The following DNAI1 variants were observed in gnomAD, a reference collection of about 807,000 sequenced individuals.
DNAI1 encodes the protein dynein, axonemal, intermediate polypeptide 1.
DNAI1 carries 67 observed loss-of-function variants against 92.0 expected under a neutral mutation model. That is an observed-to-expected ratio of 0.73 (90% confidence interval 0.60 to 0.89). The LOEUF (loss-of-function observed/expected upper bound fraction) is 0.89. Among genes scored for constraint, DNAI1 ranks in the 40% least tolerant of loss-of-function variants. The pLI is 0.00. For synonymous variants in DNAI1, 323 were observed against 319.6 expected (o/e 1.01, Z -0.11); for missense variants, 839 against 866.6 (o/e 0.97, Z 0.40).
Position 34,497,168 on chromosome 9 carries a change from C to T in DNAI1, c.870C>T (p.Val290=). 6.2e-7 allele frequency: 1 copy of T among 1,613,970 alleles called. No individual in the cohort carries two copies. Among genetic ancestry groups the T allele is most frequent in the Non-Finnish European group, 8.5e-7 (1 of 1,179,908 alleles). The change falls in exon 10 of 20, where the codon GTC becomes GTT. Residue 290 remains valine (V), a synonymous_variant. Transcript: ENST00000242317. ...CTGCTAAGATCATGGAGCGGATGGT[C>T]AACCAGAATACATATGATGACATTG... The part of the protein sequence containing the change: ...SQAAKIMERM[V]NQNTYDDIAQ...
rs373385534 is a variant in DNAI1 at position 34,512,064 on chromosome 9, A to C, written c.1312-45A>C. 81 of 1,596,332 alleles carry C rather than the reference A, an allele frequency of 5.1e-5. No homozygotes were observed. In the African/African-American group the frequency reaches 9.7e-4, roughly 19 times the overall value. On this transcript the variant is annotated intron_variant, in intron 13 of 19. Transcript: ENST00000242317. ...CCTGCTCTGCCCACAGCCCTAACTCAACACTTTAGCAGGGTCCCAGAGCTC... is the reference window on the plus strand; with the variant it reads ...CCTGCTCTGCCCACAGCCCTAACTCCACACTTTAGCAGGGTCCCAGAGCTC...
At chr9:34,501,621 G>A (rs1824832833) in intron 12 of DNAI1, among the ~76,000 whole-genome samples, 1 of 152,206 alleles carries the variant, frequency 6.6e-6, no homozygotes, top group Non-Finnish European at 1.5e-5. Context: ...GGAATTGCAG[G>A]CATTGCAGGC....
chr9:34,505,932 C>T (rs543910662), intron 12 of DNAI1, among the ~76,000 whole-genome samples: 10 of 152,186 alleles, frequency 6.6e-5, no homozygotes, highest in Non-Finnish European at 1.5e-4. Context: ...GCGCCAAGTA[C>T]ACAGAAAATG....
chr9:34,464,144 A>G (rs1823996312), intron 1 of DNAI1, among the ~76,000 whole-genome samples: 1 of 152,150 alleles, frequency 6.6e-6, no homozygotes, highest in South Asian at 2.1e-4. Flanking sequence ...GTCTCTCACC[A>G]AAGAGTGCTG....
intron 13 of DNAI1, among the ~76,000 whole-genome samples, chr9:34,510,654 C>A (rs1027919676): frequency 1.3e-5 from 2 of 152,154 alleles, no homozygotes; most frequent in Non-Finnish European, 2.9e-5. Context: ...CACCACCCCC[C>A]ACTGGGCATC....
intron 4 of DNAI1, among the ~76,000 whole-genome samples, chr9:34,485,859 C>T (rs1824458896): frequency 6.6e-6 from 1 of 152,128 alleles, no homozygotes; most frequent in Admixed American, 6.5e-5. Flanking sequence ...CTGAGTTTTC[C>T]TCTAGCCAGC....
chr9:34,514,003 G>A (rs1825122810), intron 16 of DNAI1, among the ~76,000 whole-genome samples: 1 of 152,310 alleles, frequency 6.6e-6, no homozygotes, highest in Admixed American at 6.5e-5. Context: ...GGCTGCAGGT[G>A]GAACCAGGGC....
chr9:34,502,183 T>C (rs955105867), intron 12 of DNAI1, among the ~76,000 whole-genome samples: 1 of 152,184 alleles, frequency 6.6e-6, no homozygotes, highest in African/African-American at 2.4e-5. Context: ...TGGGTGTTTG[T>C]CATTCCTCTC....
intron 4 of DNAI1, among the ~76,000 whole-genome samples, chr9:34,487,247 A>G (rs1052657684): frequency 2.0e-4 from 31 of 151,618 alleles, no homozygotes; most frequent in Admixed American, 7.2e-4. Flanking sequence ...CAGTGGTGGC[A>G]CAATCTCGCC....
intron 1 of DNAI1, among the ~76,000 whole-genome samples, chr9:34,479,937 A>G (rs942434504): frequency 1.3e-5 from 2 of 152,210 alleles, no homozygotes; most frequent in Non-Finnish European, 2.9e-5. Context: ...AAGAGCTGCA[A>G]GAGCTATAAG....
chr9:34,490,510 CCCCTTTGCAG>C (rs766480600), intron 7 of DNAI1, 22 bp downstream of exon 7: 1 of 1,613,654 alleles, frequency 6.2e-7, no homozygotes, highest in Non-Finnish European at 8.5e-7. Flanking sequence ...CCCACCCTAG[CCCCTTTGCAG>C]CTCTTCACTG....
intron 1 of DNAI1, among the ~76,000 whole-genome samples, chr9:34,472,368 G>T (rs563521544): frequency 6.6e-6 from 1 of 152,270 alleles, no homozygotes; most frequent in Non-Finnish European, 1.5e-5. Context: ...GCTTACTCTA[G>T]AGCTCCAGCT....
At chr9:34,463,637 A>G (rs1053850884) in intron 1 of DNAI1, among the ~76,000 whole-genome samples, 5 of 152,194 alleles carry the variant, frequency 3.3e-5, no homozygotes, top group African/African-American at 1.2e-4. Context: ...ATGACTAACA[A>G]ATTTTAGTAC....
chr9:34,477,609 TAAGA>T (rs1824262927), intron 1 of DNAI1, among the ~76,000 whole-genome samples: 1 of 152,120 alleles, frequency 6.6e-6, no homozygotes, highest in South Asian at 2.1e-4. Flanking sequence ...AGAGGATTAT[TAAGA>T]AAGATATTAA....
At chr9:34,509,394 G>T (rs1825020153) in intron 13 of DNAI1, among the ~76,000 whole-genome samples, 3 of 152,132 alleles carry the variant, frequency 2.0e-5, no homozygotes, top group Admixed American at 1.3e-4. Context: ...TACGTCCGTG[G>T]TTTCAAGCAA....
intron 5 of DNAI1, 30 bp from the exon 6 acceptor site, chr9:34,489,982 C>T (rs1429281110): frequency 1.9e-6 from 3 of 1,612,444 alleles, no homozygotes; most frequent in African/African-American, 1.3e-5. Flanking sequence ...CAGGCTTAGA[C>T]TTTGAACTCA....
chr9:34,478,421 G>A (rs1824279428), intron 1 of DNAI1, among the ~76,000 whole-genome samples: 1 of 151,926 alleles, frequency 6.6e-6, no homozygotes, highest in South Asian at 2.1e-4. Context: ...AGGAGGGAGG[G>A]AGCCCTCAGC....
At position 34,500,682 on chromosome 9, in the gene DNAI1, G is replaced by A. The variant is rs759200148; in HGVS notation, c.902-40G>A. The A allele has an allele frequency of 4.1e-6, 6 of 1,472,372 alleles. No homozygotes were observed. In the East Asian group the frequency reaches 1.1e-4, roughly 28 times the overall value. The allele number at this position is 1,472,372 out of a possible 1,614,324, so 91.2% of individuals were successfully genotyped here. ...GTGGTGGACCTGGGTTTGCCATAAAGCGGCAGTCCCAGGGCTGACTCTGCC... is the reference window on the plus strand; with the variant it reads ...GTGGTGGACCTGGGTTTGCCATAAAACGGCAGTCCCAGGGCTGACTCTGCC... On this transcript the variant is annotated intron_variant, in intron 10 of 19. Transcript: ENST00000242317.
intron 15 of DNAI1, among the ~76,000 whole-genome samples, chr9:34,512,825 C>T (rs1312048640): frequency 1.3e-5 from 2 of 152,234 alleles, no homozygotes; most frequent in South Asian, 4.1e-4. Context: ...TACCCTGACC[C>T]TGACCCTGTT....
Sources: allele counts gnomAD v4.1 joint callset (sites outside exome capture counted in the v4.1 genomes callset), GRCh38; gene constraint gnomAD v4.1.1; transcripts MANE v1.5; gene names NCBI Gene and HGNC (gene_info 2026-07-23, HGNC 2026-07-21).